RIMS1: variants seen among roughly 807,000 people sequenced by gnomAD.
The protein encoded by RIMS1 is regulating synaptic membrane exocytosis protein 1.
RIMS1 carries 83 observed loss-of-function variants against 214.1 expected under a neutral mutation model. The ratio of observed to expected loss-of-function variants is 0.39; its 90% CI spans 0.32 to 0.47. RIMS1 has a LOEUF of 0.47. Ranked by LOEUF, RIMS1 falls within the 20% of genes least tolerant of loss-of-function variation. The pLI, the probability that RIMS1 is intolerant of heterozygous loss-of-function variation, is 0.99. For synonymous variants in RIMS1, 793 were observed against 786.8 expected (o/e 1.01, Z -0.13); for missense variants, 2,050 against 2,161.8 (o/e 0.95, Z 1.03).
chr6:72,182,946 T>C lies in RIMS1; in HGVS notation c.1475T>C (p.Val492Ala). ...ATGCGGAAGGCCAAGCGCGAGAAGG[T>C]GGAGACCATGCTGCGGAACGACTCT... ...VLMRKAKREK[V>A]ETMLRNDSLS... is the part of the protein sequence containing the mutation. Residue 492 changes from valine (V) to alanine (A), a missense_variant, in exon 6 of 34, where the codon GTG becomes GCG. Around this residue, in one of 6 missense-constraint regions of RIMS1, gnomAD observed 882 missense variants for 828.9 expected, o/e 1.06. Coordinates refer to ENST00000521978, the MANE Select transcript of RIMS1 (RefSeq NM_014989.7). 1 of 1,589,806 alleles carries C rather than the reference T, an allele frequency of 6.3e-7. No individual in the cohort carries two copies. The highest frequency in any genetic ancestry group is 8.6e-7 in the Non-Finnish European group (1 of 1,169,318).
intron 2 of RIMS1, among the ~76,000 whole-genome samples, chr6:72,027,258 C>T (rs561941838): frequency 6.6e-6 from 1 of 152,226 alleles, no homozygotes; most frequent in East Asian, 1.9e-4. Flanking sequence ...CCCAGGAGGC[C>T]TTGTGGTTCA....
At chr6:72,097,584 A>C (rs2032171464) in intron 3 of RIMS1, among the ~76,000 whole-genome samples, 1 of 152,236 alleles carries the variant, frequency 6.6e-6, no homozygotes, top group African/African-American at 2.4e-5. Context: ...ACTGAATGTC[A>C]TATATTAAGC....
chr6:71,928,348 CAAT>C (rs1253026702), intron 1 of RIMS1, among the ~76,000 whole-genome samples: 2 of 152,066 alleles, frequency 1.3e-5, no homozygotes, highest in Non-Finnish European at 2.9e-5. Flanking sequence ...ATTCATGTAA[CAAT>C]GTTTATTTAA....
chr6:72,093,141 G>A (rs1291212443), intron 2 of RIMS1, among the ~76,000 whole-genome samples: 4 of 149,678 alleles, frequency 2.7e-5, no homozygotes, highest in Non-Finnish European at 5.9e-5. Flanking sequence ...GAAATAAAAC[G>A]ATTTTAGGAA....
chr6:71,964,047 G>A lies in RIMS1; in HGVS notation c.165-4936G>A, dbSNP rs75720204. On this transcript the variant is annotated intron_variant, in intron 1 of 33. Coordinates refer to ENST00000521978, the MANE Select transcript of RIMS1 (RefSeq NM_014989.7). ...AGACAGTATATCTCAGAAAACAGTA[G>A]AGCAACGTGAAGGGTGCATGGAAAT... is the stretch of plus-strand genomic sequence containing the variant. 5.9e-3 allele frequency among the ~76,000 whole-genome samples: 897 copies of A among 152,284 alleles called. 15 individuals are homozygous for A. The highest frequency in any genetic ancestry group is 0.039 in the East Asian group (204 of 5,184).
rs1321431239 is a variant in RIMS1 at position 72,158,059 on chromosome 6, A to G, written c.472-21516A>G. ...ATTATAATGACAAATATGTTAAATTATGCTTGTTTGTCATCAATATTCATT... is the reference window on the plus strand; with the variant it reads ...ATTATAATGACAAATATGTTAAATTGTGCTTGTTTGTCATCAATATTCATT... On this transcript the variant is annotated intron_variant, in intron 4 of 33. Coordinates refer to ENST00000521978, the MANE Select transcript of RIMS1 (RefSeq NM_014989.7). Among the ~76,000 whole-genome samples, 2 of 140,750 alleles carry G rather than the reference A, an allele frequency of 1.4e-5. 1 individual carries two copies. The highest frequency in any genetic ancestry group is 3.2e-5 in the Non-Finnish European group (2 of 61,936). 92.3% of individuals were successfully genotyped at this position (140,750 alleles called of 152,430 possible). A position where few individuals can be genotyped will look rare whatever the true frequency, so the allele number is the denominator to read the frequency against.
At chr6:71,944,196 TTAAC>T (rs1252709941) in intron 1 of RIMS1, among the ~76,000 whole-genome samples, 7 of 152,342 alleles carry the variant, frequency 4.6e-5, no homozygotes, top group African/African-American at 1.2e-4. Context: ...ATTACAAAAA[TTAAC>T]TAATGAGATG....
At chr6:72,287,596 C>CTTT (rs1292522207) in intron 24 of RIMS1, among the ~76,000 whole-genome samples, 1 of 140,658 alleles carries the variant, frequency 7.1e-6, no homozygotes, top group Non-Finnish European at 1.6e-5. Context: ...GCTCTGCAAA[C>CTTT]TTTTTTTTTT....
Position 71,886,678 on chromosome 6 carries a change from C to T in RIMS1, c.-346C>T, listed in dbSNP as rs1164960038. On this transcript the variant is annotated 5_prime_UTR_variant, in exon 1 of 34. Coordinates refer to ENST00000521978, the MANE Select transcript of RIMS1 (RefSeq NM_014989.7). ...CCGGAGACGCCCGGATCGGCGGAGC[C>T]TGGCGCGAGCCCTCGCCCCCTCGCC... 6 of 151,518 alleles carry T rather than the reference C, an allele frequency of 4.0e-5. No individual in the cohort carries two copies. Among genetic ancestry groups the T allele is most frequent in the Admixed American group, 3.3e-4 (5 of 15,094 alleles). 9.4% of individuals were successfully genotyped at this position (151,518 alleles called of 1,614,324 possible). A position where few individuals can be genotyped will look rare whatever the true frequency, so the allele number is the denominator to read the frequency against.
At position 72,398,006 on chromosome 6, in the gene RIMS1, T is replaced by A. The variant is rs148189300; in HGVS notation, c.4619-243T>A. 3.0e-3 allele frequency among the ~76,000 whole-genome samples: 459 copies of A among 152,258 alleles called. 1 individual carries two copies. The highest frequency in any genetic ancestry group is 9.5e-3 in the African/African-American group (393 of 41,568). ...AATACTTTAGTGTTGTTATAGTCAT[T>A]TATTAACTAATTTGCAAATCTCATA... On this transcript the variant is annotated intron_variant, in intron 31 of 33. Transcript: ENST00000521978.
At chr6:71,960,158 A>T (rs1409255577) in intron 1 of RIMS1, among the ~76,000 whole-genome samples, 1 of 152,040 alleles carries the variant, frequency 6.6e-6, no homozygotes, top group African/African-American at 2.4e-5. Context: ...CTTCTCTTTG[A>T]GAGAGTTAAT....
At chr6:72,232,464 G>A (rs958646731) in intron 6 of RIMS1, among the ~76,000 whole-genome samples, 13 of 151,646 alleles carry the variant, frequency 8.6e-5, no homozygotes, top group Middle Eastern at 3.4e-3. Context: ...AACTGAGGTG[G>A]CCCAGTAGGA....
intron 2 of RIMS1, among the ~76,000 whole-genome samples, chr6:72,088,798 T>C (rs1054622413): frequency 1.3e-5 from 2 of 152,146 alleles, no homozygotes; most frequent in African/African-American, 4.8e-5. Flanking sequence ...ATATAAGTAA[T>C]TTGCTTGGGG....
intron 7 of RIMS1, among the ~76,000 whole-genome samples, chr6:72,234,115 G>T (rs79465946): frequency 6.6e-6 from 1 of 151,890 alleles, no homozygotes; most frequent in Non-Finnish European, 1.5e-5. Context: ...TACAGAATCA[G>T]TTTTTTTATG....
At chr6:71,895,175 G>C (rs550488106) in intron 1 of RIMS1, among the ~76,000 whole-genome samples, 24 of 152,244 alleles carry the variant, frequency 1.6e-4, no homozygotes, top group African/African-American at 5.5e-4. Context: ...TGCTGTATTT[G>C]CTGGACTTTA....
At chr6:72,155,872 C>T (rs1412522012) in intron 4 of RIMS1, among the ~76,000 whole-genome samples, 1 of 139,956 alleles carries the variant, frequency 7.1e-6, no homozygotes, top group African/African-American at 2.5e-5. Flanking sequence ...GTAGGTATAT[C>T]AGTAGGGGCT....
At chr6:72,290,920 T>C in intron 25 of RIMS1, 59 bp downstream of exon 25, 1 of 1,519,844 alleles carries the variant, frequency 6.6e-7, no homozygotes, top group Non-Finnish European at 9.0e-7. Flanking sequence ...TGGTGTGGTG[T>C]TGTACCTTCC....
intron 6 of RIMS1, among the ~76,000 whole-genome samples, chr6:72,196,082 T>C (rs1332187079): frequency 1.3e-5 from 2 of 152,056 alleles, no homozygotes; most frequent in African/African-American, 4.8e-5. Context: ...AGATGAGATT[T>C]GGGTGGGGAC....
At chr6:71,904,571 C>T (rs931805039) in intron 1 of RIMS1, among the ~76,000 whole-genome samples, 1 of 152,022 alleles carries the variant, frequency 6.6e-6, no homozygotes, top group African/African-American at 2.4e-5. Flanking sequence ...CCCAGCCTCG[C>T]AATGGACATC....
Sources: gnomAD v4.1 joint callset for allele counts (sites outside exome capture counted in the v4.1 genomes callset) on GRCh38, gnomAD v4.1.1 for gene constraint, gnomAD v4.1.1 regional missense constraint, MANE v1.5 for transcripts, NCBI Gene and HGNC (gene_info 2026-07-23, HGNC 2026-07-21) for gene names.